The following MME variants were observed in gnomAD, a reference collection of about 807,000 sequenced individuals.
MME encodes membrane metalloendopeptidase, also known as neprilysin.
MME carries 98 observed loss-of-function variants against 113.2 expected under a neutral mutation model. The observed-to-expected ratio is 0.87, with a 90% CI of 0.74 to 1.02. MME has a LOEUF of 1.02. MME is among the 50% of genes least tolerant of loss of function. The pLI is 0.00. For synonymous variants in MME, 292 were observed against 300.6 expected (o/e 0.97, Z 0.30); for missense variants, 836 against 896.0 (o/e 0.93, Z 0.86).
intron 3 of MME, among the ~76,000 whole-genome samples, chr3:155,105,669 G>A (rs1405603229): frequency 6.6e-6 from 1 of 152,164 alleles, no homozygotes; most frequent in African/African-American, 2.4e-5. Context: ...TGCCAACTAT[G>A]TGAACTTGGG....
At chr3:155,094,403 T>C (rs1716546939) in intron 3 of MME, among the ~76,000 whole-genome samples, 3 of 152,200 alleles carry the variant, frequency 2.0e-5, no homozygotes, top group Admixed American at 2.0e-4. Context: ...TACACGCCCT[T>C]CAGGGAGATG....
chr3:155,055,195 G>C (rs1400445798), intron 1 of MME, among the ~76,000 whole-genome samples: 1 of 152,120 alleles, frequency 6.6e-6, no homozygotes, highest in Non-Finnish European at 1.5e-5. Flanking sequence ...ACGATTATAT[G>C]CTCACACAAT....
At chr3:155,051,393 A>G (rs35973490) in intron 1 of MME, among the ~76,000 whole-genome samples, 3,169 of 152,304 alleles carry the variant, frequency 0.021, 40 homozygotes, top group Middle Eastern at 0.041. Flanking sequence ...GTTTATTTTC[A>G]CACTGCTGTA....
At chr3:155,062,131 T>C (rs1179359378) in intron 1 of MME, among the ~76,000 whole-genome samples, 1 of 152,220 alleles carries the variant, frequency 6.6e-6, no homozygotes, top group Non-Finnish European at 1.5e-5. Context: ...GGAAGGGTGC[T>C]AAATAGTATA....
intron 8 of MME, among the ~76,000 whole-genome samples, chr3:155,131,262 T>A (rs1720122449): frequency 6.6e-6 from 1 of 152,186 alleles, no homozygotes; most frequent in Non-Finnish European, 1.5e-5. Flanking sequence ...GATAATCTTG[T>A]GTAGGTGGCT....
intron 1 of MME, among the ~76,000 whole-genome samples, chr3:155,066,627 T>C (rs931124521): frequency 6.6e-6 from 1 of 152,264 alleles, no homozygotes; most frequent in Non-Finnish European, 1.5e-5. Flanking sequence ...ATGTGTTTTC[T>C]ATCAATAAAC....
rs750582578 is a variant in MME at position 155,167,005 on chromosome 3, T to C, written c.1764T>C (p.His588=). 1 of 1,613,672 alleles carries C rather than the reference T, an allele frequency of 6.2e-7. No individual in the cohort carries two copies. Among genetic ancestry groups the C allele is most frequent in the South Asian group, 1.1e-5 (1 of 91,082 alleles). ...TGGTCATAGGACACGAAATCACCCA[T>C]GGCTTCGATGACAATGGTAAAGTGC... is the stretch of plus-strand genomic sequence containing the variant. The part of the protein sequence containing the change: ...IGMVIGHEIT[H]GFDDNGRNFN... Residue 588 remains histidine, a synonymous_variant, in exon 18 of 23, where the codon CAT becomes CAC. Transcript: ENST00000360490.
chr3:155,110,127 G>A (rs942600440), intron 3 of MME, among the ~76,000 whole-genome samples: 2 of 152,230 alleles, frequency 1.3e-5, no homozygotes, highest in African/African-American at 2.4e-5. Context: ...TAAAGGAGAA[G>A]ACAGGACAAA....
At chr3:155,149,409 T>G (rs1420852631) in intron 16 of MME, among the ~76,000 whole-genome samples, 1 of 151,982 alleles carries the variant, frequency 6.6e-6, no homozygotes, top group African/African-American at 2.4e-5. Flanking sequence ...AAAACAAAAT[T>G]AATGAGTGAG....
intron 9 of MME, 112 bp downstream of exon 9, chr3:155,138,348 A>C: frequency 9.2e-7 from 1 of 1,089,334 alleles, no homozygotes; most frequent in Non-Finnish European, 1.4e-6. Context: ...CAAGTAGTAA[A>C]AATGCATGGC....
intron 3 of MME, 63 bp downstream of exon 3, chr3:155,085,157 C>A: frequency 9.4e-7 from 1 of 1,061,612 alleles, no homozygotes; most frequent in Non-Finnish European, 1.4e-6. Flanking sequence ...AAATTAAATG[C>A]TAATCTTAAT....
chr3:155,070,653 C>T (rs1053434678), intron 1 of MME, among the ~76,000 whole-genome samples: 1 of 152,146 alleles, frequency 6.6e-6, no homozygotes, highest in Admixed American at 6.5e-5. Flanking sequence ...TTTCACCTGG[C>T]ACTTTTCCTG....
At position 155,138,126 on chromosome 3, in the gene MME, A is replaced by G. The variant is rs1183268986; in HGVS notation, c.745A>G (p.Met249Val). 3.1e-6 allele frequency: 5 copies of G among 1,613,740 alleles called. No individual in the cohort carries two copies. In the South Asian group the frequency reaches 4.4e-5, roughly 14 times the overall value. Residue 249 changes from methionine (M) to valine (V), a missense_variant, in exon 9 of 23, where the codon ATG (methionine) becomes GTG (valine). Met to Val is a conservative substitution (Grantham distance 21, BLOSUM62 1). Coordinates refer to ENST00000360490, the MANE Select transcript of MME (RefSeq NM_007289.4). Reference sequence around the variant, plus strand: ...GGCTTGTACAGCATATGTGGATTTTATGATTTCTGTGGCCAGATTGATTCG... The same window carrying G: ...GGCTTGTACAGCATATGTGGATTTTGTGATTTCTGTGGCCAGATTGATTCG... Reference protein sequence around the residue: ...KEACTAYVDFMISVARLIRQE... With the variant: ...KEACTAYVDFVISVARLIRQE...
chr3:155,077,184 C>T (rs556850008), upstream of MME, among the ~76,000 whole-genome samples: 46 of 152,146 alleles, frequency 3.0e-4, no homozygotes, highest in Non-Finnish European at 3.4e-4. Context: ...TTTTCTTTTA[C>T]TTGCCTGCTG....
chr3:155,143,610 A>T (rs1469042776), intron 13 of MME, 39 bp downstream of exon 13: 6 of 1,604,382 alleles, frequency 3.7e-6, no homozygotes, highest in Non-Finnish European at 5.1e-6. Flanking sequence ...GTTATACAGG[A>T]CACTATCAGT....
At chr3:155,083,774 T>C (rs1715392462) in intron 1 of MME, 1 of 226,506 alleles carries the variant, frequency 4.4e-6, no homozygotes, top group Non-Finnish European at 8.9e-6. Flanking sequence ...CCATTGATGT[T>C]AGTCCAGAGT....
intron 1 of MME, among the ~76,000 whole-genome samples, chr3:155,042,968 TAAGTA>T (rs1713412490): frequency 8.0e-6 from 1 of 125,784 alleles, no homozygotes; most frequent in African/African-American, 2.7e-5. Flanking sequence ...ATCACATTTG[TAAGTA>T]TAGAAAAATC....
chr3:155,139,844 T>C (rs1720922475), intron 9 of MME, among the ~76,000 whole-genome samples: 1 of 152,178 alleles, frequency 6.6e-6, no homozygotes, highest in Non-Finnish European at 1.5e-5. Context: ...GAGATGACTA[T>C]ATCAAAGAAA....
At chr3:155,055,603 A>C (rs1713897778) in intron 1 of MME, among the ~76,000 whole-genome samples, 1 of 152,168 alleles carries the variant, frequency 6.6e-6, no homozygotes, top group Non-Finnish European at 1.5e-5. Context: ...TCTCAAAAAA[A>C]AAAAAAACTT....
Sources: gnomAD v4.1 joint callset for allele counts (sites outside exome capture counted in the v4.1 genomes callset) on GRCh38, gnomAD v4.1.1 for gene constraint, MANE v1.5 for transcripts, NCBI Gene and HGNC (gene_info 2026-07-23, HGNC 2026-07-21) for gene names.